The following POLR1C variants were observed in gnomAD, a reference collection of about 807,000 sequenced individuals.
POLR1C encodes DNA-directed RNA polymerases I and III subunit RPAC1.
In POLR1C, 42 loss-of-function variants were observed where a neutral mutation model predicts 38.3. The ratio of observed to expected loss-of-function variants is 1.10; its 90% CI spans 0.86 to 1.42. The LOEUF (loss-of-function observed/expected upper bound fraction) is 1.42. POLR1C is among the 40% of genes most tolerant of loss of function. POLR1C has a pLI of 0.00. For synonymous variants in POLR1C, 163 were observed against 163.9 expected, an observed-to-expected ratio of 0.99 and a Z score of 0.04; for missense variants, 507 against 450.5, an observed-to-expected ratio of 1.13 and a Z score of -1.14.
downstream of POLR1C, chr6:43,525,993 C>A: frequency 6.4e-7 from 1 of 1,555,906 alleles, no homozygotes; most frequent in Non-Finnish European, 8.8e-7. Context: ...CTGACAGAAG[C>A]GCAAAAAACA....
chr6:43,554,260 C>G (rs1761894623), intron 10 of POLR1C, among the ~76,000 whole-genome samples: 1 of 151,946 alleles, frequency 6.6e-6, no homozygotes, highest in Admixed American at 6.6e-5. Context: ...CACCTGCCAC[C>G]ATGCCCGGCT....
At chr6:43,548,586 AT>A in intron 9 of POLR1C, 1 of 813,850 alleles carries the variant, frequency 1.2e-6, no homozygotes. Flanking sequence ...TAAGGTTATT[AT>A]TTGGTAATTC....
At chr6:43,526,890 C>T (rs1007782217) in intron 8 of POLR1C, 1 of 776,708 alleles carries the variant, frequency 1.3e-6, no homozygotes, top group Non-Finnish European at 2.2e-6. Context: ...CAAGAATTAG[C>T]TTCACCAATA....
At chr6:43,517,508 C>CTA (rs1561855988) in intron 2 of POLR1C, 131 bp downstream of exon 2, 1 of 779,474 alleles carries the variant, frequency 1.3e-6, no homozygotes, top group South Asian at 1.5e-5. Context: ...ATGTGCTAGA[C>CTA]GCTCCGTTTA....
chr6:43,537,790 G>A (rs1794426778), intron 9 of POLR1C, among the ~76,000 whole-genome samples: 1 of 152,182 alleles, frequency 6.6e-6, no homozygotes, highest in Non-Finnish European at 1.5e-5. Context: ...AAGAGGGCCA[G>A]GCATGGTAGC....
intron 9 of POLR1C, among the ~76,000 whole-genome samples, chr6:43,537,785 G>A (rs1794426622): frequency 6.6e-6 from 1 of 152,102 alleles, no homozygotes; most frequent in Admixed American, 6.5e-5. Flanking sequence ...AGAAAAAGAG[G>A]GCCAGGCATG....
intron 8 of POLR1C, chr6:43,527,305 CT>C: frequency 4.5e-6 from 1 of 220,464 alleles, no homozygotes; most frequent in Non-Finnish European, 9.1e-6. Flanking sequence ...CGGAGTTTCA[CT>C]CTTTTGCCAG....
At chr6:43,524,077 G>A (rs1189634061), downstream of POLR1C, 14 of 1,550,248 alleles carry the variant, frequency 9.0e-6, no homozygotes, top group East Asian at 2.4e-4. Context: ...TTGGCCCGGC[G>A]CAGTGGCTCG....
chr6:43,540,602 G>A (rs1259427586), intron 9 of POLR1C, among the ~76,000 whole-genome samples: 5 of 152,192 alleles, frequency 3.3e-5, no homozygotes, highest in African/African-American at 4.8e-5. Context: ...GAAGTGAGCC[G>A]AGATCATGCC....
chr6:43,547,515 T>A lies in POLR1C; in HGVS notation c.*5-3453T>A, dbSNP rs1795016673. 4.3e-6 allele frequency: 5 copies of A among 1,165,728 alleles called. No individual in the cohort carries two copies. The South Asian group carries it at 6.4e-5, about 15-fold the overall frequency. 72.2% of individuals were successfully genotyped at this position (1,165,728 alleles called of 1,614,324 possible). A position where few individuals can be genotyped will look rare whatever the true frequency, so the allele number is the denominator to read the frequency against. The stretch of plus-strand genomic sequence containing the variant: ...GAGACTCCCACGTTTCTCACCAGTA[T>A]AGAAAAAACAAATCTATGAGAAACT... On this transcript the variant is annotated intron_variant, in intron 9 of 10. Transcript: ENST00000607635.
Position 43,526,692 on chromosome 6 carries a change from A to G in POLR1C, c.923-2557A>G, listed in dbSNP as rs199826017. 301 of 1,613,966 alleles carry G rather than the reference A, an allele frequency of 1.9e-4. No homozygotes were observed. Among genetic ancestry groups the G allele is most frequent in the Admixed American group, 4.2e-4 (25 of 60,012 alleles). On this transcript the variant is annotated intron_variant, in intron 8 of 8. Transcript: ENST00000304004. ...TCTCACAGGCTCACTTACCGTCTCC[A>G]TCTGCTGGGGGAGCACTACTGTGGT... is the stretch of plus-strand genomic sequence containing the variant.
exon 11 of POLR1C, chr6:43,562,126 G>A: frequency 4.6e-6 from 3 of 657,028 alleles, no homozygotes; most frequent in Non-Finnish European, 7.9e-6. Context: ...GCAATAACTT[G>A]TATGGCACTG....
downstream of POLR1C, chr6:43,524,407 T>TG (rs1288899984): frequency 6.5e-7 from 1 of 1,547,754 alleles, no homozygotes; most frequent in East Asian, 2.3e-5. Context: ...AGCTGGTTTA[T>TG]GGTTTGCCCA....
At chr6:43,524,943 T>C (rs773231555), downstream of POLR1C, 15 of 1,613,770 alleles carry the variant, frequency 9.3e-6, no homozygotes, top group South Asian at 1.6e-4. Flanking sequence ...CGTAACTGCA[T>C]CTGCGAGCAG....
At chr6:43,554,719 GGCCTAAGATTTACCAATT>G (rs1355270423) in intron 10 of POLR1C, among the ~76,000 whole-genome samples, 1 of 152,034 alleles carries the variant, frequency 6.6e-6, no homozygotes, top group Non-Finnish European at 1.5e-5. Context: ...CACCCTGCCT[GGCCTAAGATTTACCAATT>G]GCTTTTCTTG....
At chr6:43,537,040 C>T (rs895080667) in intron 9 of POLR1C, among the ~76,000 whole-genome samples, 1 of 152,102 alleles carries the variant, frequency 6.6e-6, no homozygotes, top group East Asian at 1.9e-4. Context: ...GTTCATAGCT[C>T]ACTGCAGCCT....
At chr6:43,530,626 GT>G (rs57104310), downstream of POLR1C, 93,653 of 1,586,086 alleles carry the variant, frequency 0.059, 10,646 homozygotes, top group African/African-American at 0.49. Context: ...GCTGTGACCT[GT>G]TTTGTTTCTC....
chr6:43,518,208 GA>G (rs1173461668), intron 2 of POLR1C, among the ~76,000 whole-genome samples: 1 of 152,170 alleles, frequency 6.6e-6, no homozygotes, highest in African/African-American at 2.4e-5. Flanking sequence ...GTTTGAGGAG[GA>G]TCATATGGAG....
chr6:43,534,082 G>A, downstream of POLR1C: 1 of 1,157,260 alleles, frequency 8.6e-7, no homozygotes, highest in South Asian at 1.2e-5. Context: ...TTGTAATCCA[G>A]TGATACTACA....
Sources: gnomAD v4.1 joint callset for allele counts (sites outside exome capture counted in the v4.1 genomes callset) on GRCh38, gnomAD v4.1.1 for gene constraint, MANE v1.5 for transcripts, NCBI Gene and HGNC (gene_info 2026-07-23, HGNC 2026-07-21) for gene names.